Variants in PAM observed in about 807,000 individuals in gnomAD.
The protein encoded by PAM is peptidylglycine alpha-amidating monooxygenase.
A neutral mutation model predicts 122.1 loss-of-function variants in PAM; 72 were observed. That is an observed-to-expected ratio of 0.59 (90% CI 0.49 to 0.72). The LOEUF (loss-of-function observed/expected upper bound fraction) is 0.72, where lower values mean the gene tolerates loss of function less well. Ranked by LOEUF, PAM falls within the 30% of genes least tolerant of loss-of-function variation. The pLI is 0.00. For synonymous variants in PAM, 389 were observed against 404.4 expected (o/e 0.96, Z 0.46); for missense variants, 1,106 against 1,183.7 (o/e 0.93, Z 0.96).
intron 4 of PAM, among the ~76,000 whole-genome samples, chr5:102,903,248 A>G (rs964993466): frequency 1.3e-5 from 2 of 151,494 alleles, no homozygotes; most frequent in African/African-American, 4.8e-5. Flanking sequence ...CCTATTCACA[A>G]TGGGTTGTTT....
chr5:102,785,756 A>G (rs1485809465), intron 1 of PAM, among the ~76,000 whole-genome samples: 3 of 152,184 alleles, frequency 2.0e-5, no homozygotes, highest in Non-Finnish European at 2.9e-5. Flanking sequence ...GTCTTCAAGC[A>G]TCTAGTAAGA....
At chr5:102,945,288 G>T (rs2151935410) in intron 7 of PAM, among the ~76,000 whole-genome samples, 1 of 152,062 alleles carries the variant, frequency 6.6e-6, no homozygotes, top group African/African-American at 2.4e-5. Flanking sequence ...TGATGGTCCT[G>T]TAAGGCACTA....
rs1052389372 is a variant in PAM, at chr5:102,974,305, C to T, written c.1352C>T (p.Ala451Val). The change falls in exon 15 of 26, where the codon GCT becomes GTT. Residue 451 changes from alanine (A) to valine (V), a missense_variant. Around this residue, in one of 3 missense-constraint regions of PAM, gnomAD observed 670 missense variants for 690.3 expected, o/e 0.97. Coordinates refer to ENST00000438793, the MANE Select transcript of PAM (RefSeq NM_001177306.2). ...GGTGCAGAACATGAGAGGGGTAATG[C>T]TATTCTTGTCAGAGACAGAATTCAC... Reference protein sequence around the residue: ...REGAEHERGNAILVRDRIHKF... With the variant: ...REGAEHERGNVILVRDRIHKF... 4.3e-6 allele frequency: 7 copies of T among 1,613,894 alleles called. No homozygotes were observed. The highest frequency in any genetic ancestry group is 5.9e-6 in the Non-Finnish European group (7 of 1,179,798).
chr5:103,007,732 GCT>G, intron 20 of PAM, 75 bp downstream of exon 20: 1 of 899,286 alleles, frequency 1.1e-6, no homozygotes, highest in Non-Finnish European at 1.7e-6. Context: ...ATCTTAATGT[GCT>G]CTTTTTATAA....
chr5:102,830,841 C>T (rs897801592), intron 1 of PAM, among the ~76,000 whole-genome samples: 1 of 152,198 alleles, frequency 6.6e-6, no homozygotes, highest in African/African-American at 2.4e-5. Flanking sequence ...ACAAGTCTCA[C>T]AAATGTGATA....
chr5:102,976,482 A>G (rs954150490), intron 15 of PAM, among the ~76,000 whole-genome samples: 3 of 152,116 alleles, frequency 2.0e-5, no homozygotes, highest in Non-Finnish European at 4.4e-5. Context: ...ATTAATGTCT[A>G]GTCCTCAGGG....
At chr5:102,851,561 A>G (rs1211540227) in intron 1 of PAM, among the ~76,000 whole-genome samples, 1 of 152,218 alleles carries the variant, frequency 6.6e-6, no homozygotes, top group Non-Finnish European at 1.5e-5. Flanking sequence ...TGATTAAGAT[A>G]AAGCTTACTG....
chr5:102,830,333 C>T (rs768226818), intron 1 of PAM, among the ~76,000 whole-genome samples: 5 of 152,144 alleles, frequency 3.3e-5, no homozygotes, highest in Non-Finnish European at 4.4e-5. Context: ...GACTTTTCTA[C>T]AAAACTACGG....
chr5:102,960,083 A>T, intron 13 of PAM, 24 bp downstream of exon 13: 1 of 1,274,238 alleles, frequency 7.8e-7, no homozygotes, highest in Non-Finnish European at 1.1e-6. Flanking sequence ...TTTAATATAA[A>T]GTAATATATG....
chr5:102,980,039 T>C (rs1400996910), intron 15 of PAM, among the ~76,000 whole-genome samples: 1 of 152,122 alleles, frequency 6.6e-6, no homozygotes, highest in Non-Finnish European at 1.5e-5. Context: ...CTAGGATCAA[T>C]AGGTAATGTA....
At chr5:102,957,369 G>C (rs1010951425) in intron 12 of PAM, among the ~76,000 whole-genome samples, 1 of 152,034 alleles carries the variant, frequency 6.6e-6, no homozygotes, top group African/African-American at 2.4e-5. Context: ...GATTCATTTA[G>C]GGAATAGAAC....
At chr5:102,911,187 G>T (rs1490153369) in intron 4 of PAM, among the ~76,000 whole-genome samples, 3 of 151,908 alleles carry the variant, frequency 2.0e-5, no homozygotes, top group African/African-American at 7.3e-5. Flanking sequence ...TGTACTTTGA[G>T]CTATAATTAT....
chr5:102,792,925 A>C (rs374067148), intron 1 of PAM, among the ~76,000 whole-genome samples: 1 of 152,210 alleles, frequency 6.6e-6, no homozygotes, highest in African/African-American at 2.4e-5. Flanking sequence ...GTAAGTTCAG[A>C]GTGCCTCCTA....
intron 1 of PAM, among the ~76,000 whole-genome samples, chr5:102,863,718 T>G (rs1288854797): frequency 6.6e-6 from 1 of 150,804 alleles, no homozygotes; most frequent in African/African-American, 2.4e-5. Flanking sequence ...ATAAGAATAC[T>G]AATAAAATTT....
intron 7 of PAM, among the ~76,000 whole-genome samples, chr5:102,946,415 C>T (rs1475920846): frequency 6.6e-6 from 1 of 151,762 alleles, no homozygotes; most frequent in Non-Finnish European, 1.5e-5. Context: ...GTATGAAAAC[C>T]TAAATTATGA....
At chr5:102,841,469 G>A (rs1778619861) in intron 1 of PAM, among the ~76,000 whole-genome samples, 1 of 150,622 alleles carries the variant, frequency 6.6e-6, no homozygotes, top group Non-Finnish European at 1.5e-5. Context: ...AACATGTGCA[G>A]TCTGCATTTT....
chr5:102,956,821 A>C (rs1760905949), intron 12 of PAM, among the ~76,000 whole-genome samples: 1 of 152,062 alleles, frequency 6.6e-6, no homozygotes. Context: ...TCTCAGATTA[A>C]TTACCTTTCA....
At chr5:102,864,805 C>A (rs1224685975) in intron 1 of PAM, among the ~76,000 whole-genome samples, 1 of 152,088 alleles carries the variant, frequency 6.6e-6, no homozygotes, top group East Asian at 1.9e-4. Flanking sequence ...TTTGGAAGTA[C>A]AGTATTTTTA....
intron 1 of PAM, among the ~76,000 whole-genome samples, chr5:102,840,467 A>G (rs1371859777): frequency 2.0e-5 from 3 of 152,180 alleles, no homozygotes. Flanking sequence ...GTTATAATAA[A>G]TTGGGTTTCA....
Sources: gnomAD v4.1 joint callset for allele counts (sites outside exome capture counted in the v4.1 genomes callset) on GRCh38, gnomAD v4.1.1 for gene constraint, gnomAD v4.1.1 regional missense constraint, MANE v1.5 for transcripts, NCBI Gene and HGNC (gene_info 2026-07-23, HGNC 2026-07-21) for gene names.